Variants in CDC42BPA observed in about 807,000 individuals in gnomAD.
The protein encoded by CDC42BPA is CDC42 binding protein kinase alpha, also known as serine/threonine-protein kinase MRCK alpha.
A neutral mutation model predicts 223.5 loss-of-function variants in CDC42BPA; 80 were observed. That is an observed-to-expected ratio of 0.36 (90% confidence interval 0.30 to 0.43). The LOEUF (loss-of-function observed/expected upper bound fraction) is 0.43, where lower values mean the gene tolerates loss of function less well. Ranked by LOEUF, CDC42BPA falls within the 20% of genes least tolerant of loss-of-function variation. The pLI is 1.00. For synonymous variants in CDC42BPA, 694 were observed against 718.6 expected (o/e 0.97, Z 0.55); for missense variants, 1,743 against 2,099.9 (o/e 0.83, Z 3.32).
intron 1 of CDC42BPA, among the ~76,000 whole-genome samples, chr1:227,293,378 A>C (rs185677986): frequency 2.1e-4 from 32 of 152,294 alleles, no homozygotes; most frequent in South Asian, 1.2e-3. Flanking sequence ...AATTAAACCA[A>C]ACTAAATCCT....
chr1:227,186,360 C>G (rs990908309), intron 5 of CDC42BPA, among the ~76,000 whole-genome samples: 2 of 152,146 alleles, frequency 1.3e-5, no homozygotes, highest in Admixed American at 1.3e-4. Context: ...GGCCTGCCCT[C>G]AGGAGAAACT....
intron 1 of CDC42BPA, among the ~76,000 whole-genome samples, chr1:227,307,930 T>C (rs577439657): frequency 3.9e-5 from 6 of 152,220 alleles, no homozygotes; most frequent in Non-Finnish European, 8.8e-5. Context: ...TATTTGTTGT[T>C]GTTGGTGGAT....
At chr1:227,199,442 A>G (rs3768435) in intron 4 of CDC42BPA, 115 bp downstream of exon 4, 455,597 of 648,354 alleles carry the variant, frequency 0.7, 161,284 homozygotes, top group Middle Eastern at 0.75. Context: ...CTTACCCTGT[A>G]TGAAATGCAC....
At chr1:227,020,568 T>C (rs575337243) in intron 32 of CDC42BPA, among the ~76,000 whole-genome samples, 1 of 152,362 alleles carries the variant, frequency 6.6e-6, no homozygotes, top group South Asian at 2.1e-4. Flanking sequence ...CTTCTGCAGG[T>C]TCCTGATAGC....
At chr1:227,190,686 A>C (rs937571838) in intron 5 of CDC42BPA, among the ~76,000 whole-genome samples, 7 of 152,248 alleles carry the variant, frequency 4.6e-5, no homozygotes, top group African/African-American at 1.7e-4. Flanking sequence ...AATTCCACAT[A>C]GTTTAGCACA....
intron 3 of CDC42BPA, among the ~76,000 whole-genome samples, chr1:227,208,593 C>A (rs1156532652): frequency 1.3e-5 from 2 of 149,592 alleles, no homozygotes; most frequent in African/African-American, 4.9e-5. Context: ...GTTTTCCCAG[C>A]ACCATTTATT....
chr1:227,049,722 T>A (rs1371620960), intron 22 of CDC42BPA, among the ~76,000 whole-genome samples: 1 of 152,048 alleles, frequency 6.6e-6, no homozygotes, highest in Non-Finnish European at 1.5e-5. Flanking sequence ...GGAAAAGAAT[T>A]GAGAGTATCC....
intron 21 of CDC42BPA, among the ~76,000 whole-genome samples, chr1:227,066,006 A>G (rs1287324075): frequency 1.3e-5 from 2 of 152,178 alleles, no homozygotes; most frequent in Non-Finnish European, 2.9e-5. Flanking sequence ...TACTCATTAG[A>G]GCCTTACCGC....
At chr1:227,187,256 T>C (rs1668923104) in intron 5 of CDC42BPA, among the ~76,000 whole-genome samples, 1 of 152,136 alleles carries the variant, frequency 6.6e-6, no homozygotes, top group Non-Finnish European at 1.5e-5. Context: ...TTAAAAACTA[T>C]TATTAATATG....
At chr1:227,268,816 G>A (rs772097273) in intron 1 of CDC42BPA, among the ~76,000 whole-genome samples, 1 of 151,584 alleles carries the variant, frequency 6.6e-6, no homozygotes, top group Non-Finnish European at 1.5e-5. Flanking sequence ...CTCCCAAGTA[G>A]CTGCGACTAC....
At chr1:227,067,188 G>C (rs564749867) in intron 21 of CDC42BPA, among the ~76,000 whole-genome samples, 2 of 152,140 alleles carry the variant, frequency 1.3e-5, no homozygotes, top group Non-Finnish European at 2.9e-5. Flanking sequence ...GTAACACTGG[G>C]AAATGGCTGC....
chr1:227,297,967 T>TAC (rs1553440423), intron 1 of CDC42BPA, among the ~76,000 whole-genome samples: 30 of 132,076 alleles, frequency 2.3e-4, no homozygotes, highest in South Asian at 1.7e-3. Flanking sequence ...TATATACATA[T>TAC]ACACACACAC....
At position 227,290,626 on chromosome 1, in the gene CDC42BPA, A is replaced by G. The variant is rs544742101; in HGVS notation, c.178+26379T>C. 7.2e-5 allele frequency among the ~76,000 whole-genome samples: 11 copies of G among 152,276 alleles called. No individual in the cohort carries two copies. The East Asian group carries it at 2.1e-3, about 29-fold the overall frequency. ...TATTGGTTTCCAAATGAGCACTATA[A>G]ACAAATTTTATAGGCATTCAGAGGA... On this transcript the variant is annotated intron_variant, in intron 1 of 36. Coordinates refer to ENST00000366766, the MANE Select transcript of CDC42BPA (RefSeq NM_001394014.1).
chr1:227,004,717 G>A, intron 35 of CDC42BPA: 2 of 483,744 alleles, frequency 4.1e-6, no homozygotes. Context: ...ATTAATGTAT[G>A]CTGTTTACTT....
chr1:227,015,225 A>T (rs565805168), intron 34 of CDC42BPA, among the ~76,000 whole-genome samples: 88 of 152,152 alleles, frequency 5.8e-4, no homozygotes, highest in Non-Finnish European at 9.7e-4. Context: ...AGGGTTCGAG[A>T]CCAGCCTGAC....
At chr1:227,027,464 G>A (rs1668474697) in intron 30 of CDC42BPA, among the ~76,000 whole-genome samples, 1 of 152,062 alleles carries the variant, frequency 6.6e-6, no homozygotes, top group African/African-American at 2.4e-5. Flanking sequence ...TCTGAATTTT[G>A]TCCTCTCTGG....
intron 12 of CDC42BPA, among the ~76,000 whole-genome samples, chr1:227,115,901 T>TA (rs1398158942): frequency 6.6e-6 from 1 of 151,814 alleles, no homozygotes; most frequent in East Asian, 1.9e-4. Flanking sequence ...ATCTCACTTA[T>TA]AAAAAACAGT....
chr1:227,207,350 T>C (rs1672947462), intron 3 of CDC42BPA, among the ~76,000 whole-genome samples: 2 of 141,438 alleles, frequency 1.4e-5, no homozygotes, highest in African/African-American at 5.1e-5. Context: ...CTTTTTTTCA[T>C]CTTTTTTTTT....
intron 1 of CDC42BPA, among the ~76,000 whole-genome samples, chr1:227,311,497 TG>T (rs1693536067): frequency 6.6e-6 from 1 of 152,052 alleles, no homozygotes; most frequent in Admixed American, 6.5e-5. Flanking sequence ...GCTGAAGTGA[TG>T]AGAAGCTAAA....
Sources: gnomAD v4.1 joint callset for allele counts (sites outside exome capture counted in the v4.1 genomes callset) on GRCh38, gnomAD v4.1.1 for gene constraint, MANE v1.5 for transcripts, NCBI Gene and HGNC (gene_info 2026-07-23, HGNC 2026-07-21) for gene names.